Variants in RSPO3 observed in about 807,000 individuals in gnomAD.
RSPO3 encodes R-spondin-3.
Under a neutral mutation model 36.5 loss-of-function variants are expected in RSPO3, and 17 were observed. The ratio of observed to expected loss-of-function variants is 0.47; its 90% CI spans 0.32 to 0.70. The LOEUF (loss-of-function observed/expected upper bound fraction) is 0.70. Among genes scored for constraint, RSPO3 ranks in the 30% least tolerant of loss-of-function variants. The pLI is 0.04. For missense variants in RSPO3, 294 were observed against 322.5 expected (o/e 0.91, Z 0.68); for synonymous variants, 108 against 107.0 (o/e 1.01, Z -0.06).
rs78333128 is a variant in RSPO3, at chr6:127,187,210, A to G, written c.635-8613A>G. 1.1e-3 allele frequency among the ~76,000 whole-genome samples: 160 copies of G among 152,272 alleles called. 2 individuals are homozygous for G. The East Asian group carries it at 0.026, about 25-fold the overall frequency. On this transcript the variant is annotated intron_variant, in intron 4 of 4. Transcript: ENST00000356698. ...TAGTCACTAATATTTTGAGAGGACT[A>G]GGTCCAAATTGAAAATTTGGGATAG...
At chr6:127,161,019 A>G (rs1300338786) in intron 4 of RSPO3, among the ~76,000 whole-genome samples, 1 of 151,630 alleles carries the variant, frequency 6.6e-6, no homozygotes, top group Non-Finnish European at 1.5e-5. Flanking sequence ...ACCACCTCCA[A>G]TTTAATCACT....
intron 1 of RSPO3, among the ~76,000 whole-genome samples, chr6:127,143,719 C>T (rs991669884): frequency 3.9e-5 from 6 of 152,110 alleles, no homozygotes; most frequent in African/African-American, 1.2e-4. Flanking sequence ...CACATAACAA[C>T]TTACAATAGA....
chr6:127,159,803 C>A (rs1231423283), intron 4 of RSPO3, among the ~76,000 whole-genome samples: 1 of 151,934 alleles, frequency 6.6e-6, no homozygotes, highest in Non-Finnish European at 1.5e-5. Flanking sequence ...CACACGCTGC[C>A]ACACCTGGCT....
chr6:127,132,901 C>T (rs1774086136), intron 1 of RSPO3, among the ~76,000 whole-genome samples: 1 of 151,966 alleles, frequency 6.6e-6, no homozygotes, highest in African/African-American at 2.4e-5. Context: ...TCCTGTGATA[C>T]TAGACTAGGA....
chr6:127,143,609 C>T (rs2503320), intron 1 of RSPO3, among the ~76,000 whole-genome samples: 85,783 of 151,978 alleles, frequency 0.56, 24,248 homozygotes, highest in African/African-American at 0.62. Context: ...TCAAACCTGT[C>T]TTATTAGTCT....
At chr6:127,126,101 G>A (rs1014301864) in intron 1 of RSPO3, among the ~76,000 whole-genome samples, 1 of 152,106 alleles carries the variant, frequency 6.6e-6, no homozygotes, top group African/African-American at 2.4e-5. Context: ...AAGGACTCAG[G>A]TCTGGGTGAA....
intron 1 of RSPO3, among the ~76,000 whole-genome samples, chr6:127,136,965 G>A (rs888489468): frequency 2.0e-5 from 3 of 152,162 alleles, no homozygotes; most frequent in Admixed American, 6.5e-5. Context: ...AGGAGATACC[G>A]AAGCAAGAGC....
intron 3 of RSPO3, among the ~76,000 whole-genome samples, chr6:127,152,180 C>A (rs1774503072): frequency 6.6e-6 from 1 of 152,158 alleles, no homozygotes; most frequent in African/African-American, 2.4e-5. Flanking sequence ...AACACAACTA[C>A]ATTTAAGTTT....
intron 1 of RSPO3, 48 bp from the exon 2 acceptor site, chr6:127,148,600 T>C: frequency 1.4e-6 from 2 of 1,471,564 alleles, no homozygotes; most frequent in Non-Finnish European, 1.9e-6. Context: ...GTCATTTTTT[T>C]ATCTGTGATT....
chr6:127,161,993 C>A (rs1026974871), intron 4 of RSPO3, among the ~76,000 whole-genome samples: 9 of 152,160 alleles, frequency 5.9e-5, no homozygotes, highest in Non-Finnish European at 8.8e-5. Flanking sequence ...CTGAGACCTA[C>A]TGGGCAATTT....
At chr6:127,187,070 T>G (rs931529547) in intron 4 of RSPO3, among the ~76,000 whole-genome samples, 1 of 152,152 alleles carries the variant, frequency 6.6e-6, no homozygotes, top group Non-Finnish European at 1.5e-5. Context: ...CAGCTTGAGA[T>G]GGAAGATGGT....
intron 1 of RSPO3, among the ~76,000 whole-genome samples, chr6:127,132,198 C>G (rs1774072328): frequency 6.6e-6 from 1 of 151,910 alleles, no homozygotes; most frequent in Non-Finnish European, 1.5e-5. Context: ...TTATAGAAAT[C>G]TTTTCCACTA....
intron 4 of RSPO3, among the ~76,000 whole-genome samples, chr6:127,159,764 TCA>T (rs1371604521): frequency 6.6e-6 from 1 of 150,560 alleles, no homozygotes; most frequent in Non-Finnish European, 1.5e-5. Context: ...TTCTCCTGTC[TCA>T]GTCTCCTGAG....
At chr6:127,134,781 G>A (rs371621103) in intron 1 of RSPO3, among the ~76,000 whole-genome samples, 8 of 152,258 alleles carry the variant, frequency 5.3e-5, no homozygotes, top group South Asian at 4.1e-4. Context: ...ACAATTTCAT[G>A]AGATATTATT....
intron 1 of RSPO3, among the ~76,000 whole-genome samples, chr6:127,128,323 A>G (rs949288680): frequency 2.0e-5 from 3 of 152,090 alleles, no homozygotes; most frequent in Non-Finnish European, 2.9e-5. Flanking sequence ...CTGAGGTCAC[A>G]TTAGAATTTC....
chr6:127,156,055 G>GC (rs1774592524), intron 4 of RSPO3, among the ~76,000 whole-genome samples: 1 of 151,946 alleles, frequency 6.6e-6, no homozygotes. Flanking sequence ...AGCGTGAGCC[G>GC]CCATACCTGG....
chr6:127,162,448 T>G (rs1774726899), intron 4 of RSPO3, among the ~76,000 whole-genome samples: 1 of 152,170 alleles, frequency 6.6e-6, no homozygotes, highest in Admixed American at 6.6e-5. Flanking sequence ...ATTTCCTTCC[T>G]TCCTTTGTAA....
At position 127,118,836 on chromosome 6, in the gene RSPO3, AGCC is replaced by A. The variant is rs1362746189; in HGVS notation, c.-342_-340del. On this transcript the variant is annotated 5_prime_UTR_variant, in exon 1 of 5. Coordinates refer to ENST00000356698, the MANE Select transcript of RSPO3 (RefSeq NM_032784.5). ...TCTGAGCCCAAGGGGCCGCCGCTGCAGCCGCCGCCGCCGCCGCTCGCCCGCCCG... is the reference window on the plus strand; with the variant it reads ...TCTGAGCCCAAGGGGCCGCCGCTGCAGCCGCCGCCGCCGCTCGCCCGCCCG... 100 of 160,906 alleles carry A rather than the reference AGCC, an allele frequency of 6.2e-4. No homozygotes were observed. Among genetic ancestry groups the A allele is most frequent in the Middle Eastern group, 3.0e-3 (1 of 328 alleles). 10.0% of individuals were successfully genotyped at this position (160,906 alleles called of 1,614,324 possible). A position where few individuals can be genotyped will look rare whatever the true frequency, so the allele number is the denominator to read the frequency against.
intron 1 of RSPO3, among the ~76,000 whole-genome samples, chr6:127,144,736 T>C (rs1028170109): frequency 7.0e-6 from 1 of 142,744 alleles, no homozygotes; most frequent in African/African-American, 2.6e-5. Context: ...ACTCCCAGGC[T>C]CAAGCAGTTA....
Sources: allele counts gnomAD v4.1 joint callset (sites outside exome capture counted in the v4.1 genomes callset), GRCh38; gene constraint gnomAD v4.1.1; transcripts MANE v1.5; gene names NCBI Gene and HGNC (gene_info 2026-07-23, HGNC 2026-07-21).